Variants in HTT observed in about 807,000 individuals in gnomAD.
HTT encodes the protein huntington disease protein.
Under a neutral mutation model 362.3 loss-of-function variants are expected in HTT, and 104 were observed. The ratio of observed to expected loss-of-function variants is 0.29; its 90% confidence interval spans 0.24 to 0.34. The LOEUF (loss-of-function observed/expected upper bound fraction) is 0.34. Ranked by LOEUF, HTT falls within the 10% of genes least tolerant of loss-of-function variation. The probability of loss-of-function intolerance (pLI) is 1.00; values close to 1 mark genes in which losing one functional copy is unlikely to be tolerated. For synonymous variants in HTT, 1,577 were observed against 1,548.7 expected, an observed-to-expected ratio of 1.02 and a Z score of -0.43; for missense variants, 3,301 against 3,928.6, an observed-to-expected ratio of 0.84 and a Z score of 4.27.
At chr4:3,119,474 G>A (rs1038928704) in intron 8 of HTT, among the ~76,000 whole-genome samples, 1 of 152,092 alleles carries the variant, frequency 6.6e-6, no homozygotes, top group Non-Finnish European at 1.5e-5. Context: ...CTGAGTCTAG[G>A]TTATTGTGAC....
Position 3,187,778 on chromosome 4 carries a change from TC to T in HTT, c.5118del (p.Ser1707ProfsTer4). The T allele has an allele frequency of 6.2e-7, 1 of 1,612,470 alleles. No homozygotes were observed. On this transcript the variant is annotated frameshift_variant, in exon 39 of 67. Transcript: ENST00000355072. LOFTEE classifies it high-confidence loss of function. ...GAGCTCTCCTTCTCTCCGTATTTAA[TC>T]TCCTGTACAGTAATTAATAGGTTAA... Reference protein sequence around the residue: ...IQELSFSPYLISCTVINRLRD... With the variant: ...IQELSFSPYLXSCTVINRLRD...
chr4:3,115,538 G>C (rs1714975552), intron 7 of HTT, 93 bp downstream of exon 7: 2 of 1,057,216 alleles, frequency 1.9e-6, no homozygotes, highest in South Asian at 3.0e-5. Context: ...TCAGCTTCTA[G>C]ACCAGGCTAT....
At position 3,209,839 on chromosome 4, in the gene HTT, C is replaced by A; in HGVS notation, c.6304C>A (p.His2102Asn). Residue 2102 changes from histidine to asparagine, a missense_variant, in exon 47 of 67, where the codon CAT (histidine) becomes AAT (asparagine). Physicochemically the swap from His to Asn is moderately conservative, Grantham distance 68 (BLOSUM62 1). Coordinates refer to ENST00000355072, the MANE Select transcript of HTT (RefSeq NM_001388492.1). ...TVSPDKDWYV[H>N]LVKSQCWTRS... Reference sequence around the variant, plus strand: ...TTTTTCTTCCCAGGACTGGTACGTTCATCTTGTCAAATCCCAGTGTTGGAC... The same window carrying A: ...TTTTTCTTCCCAGGACTGGTACGTTAATCTTGTCAAATCCCAGTGTTGGAC... 1 of 1,613,998 alleles carries A rather than the reference C, an allele frequency of 6.2e-7. No individual in the cohort carries two copies. Among genetic ancestry groups the A allele is most frequent in the South Asian group, 1.1e-5 (1 of 91,054 alleles).
Position 3,212,583 on chromosome 4 carries a change from G to A in HTT, c.6648G>A (p.Gln2216=). The A allele has an allele frequency of 6.2e-7, 1 of 1,614,240 alleles. No individual in the cohort carries two copies. Among genetic ancestry groups the A allele is most frequent in the Non-Finnish European group, 8.5e-7 (1 of 1,180,046 alleles). The change falls in exon 49 of 67, where the codon CAG becomes CAA. Residue 2216 remains glutamine, a synonymous_variant. Transcript: ENST00000355072. ...NDLFGDAALY[Q]SLPTLARALA... is the part of the protein sequence containing the mutation. ...TTTCAGGGGATGCTGCACTGTATCA[G>A]TCCCTGCCCACTCTGGCCCGGGCCC...
chr4:3,230,260 C>T (rs547238655), intron 60 of HTT, among the ~76,000 whole-genome samples: 25 of 152,252 alleles, frequency 1.6e-4, no homozygotes, highest in African/African-American at 5.1e-4. Context: ...TGGGTTGTGG[C>T]GGCCAAGCCA....
chr4:3,164,090 G>T (rs964594771), intron 29 of HTT, among the ~76,000 whole-genome samples: 2 of 152,128 alleles, frequency 1.3e-5, no homozygotes, highest in African/African-American at 4.8e-5. Context: ...TCTACACACT[G>T]CTTTAAATGT....
In HTT at chr4:3,131,578, G is replaced by A; in HGVS notation, c.2099-60G>A. The A allele has an allele frequency of 3.7e-6, 6 of 1,600,178 alleles. 1 individual carries two copies. In the South Asian group the frequency reaches 5.6e-5, roughly 15 times the overall value. On this transcript the variant is annotated intron_variant, in intron 15 of 66. Transcript: ENST00000355072. ...CAGGTAGGTTATTGGGTCTGGTTTT[G>A]TTCATTTGAAAACAATCTGTTGTTT...
chr4:3,097,449 T>C (rs1368817909), intron 2 of HTT, among the ~76,000 whole-genome samples: 1 of 152,100 alleles, frequency 6.6e-6, no homozygotes, highest in Non-Finnish European at 1.5e-5. Flanking sequence ...CTGGCCAACA[T>C]GGTGAAACTC....
intron 1 of HTT, among the ~76,000 whole-genome samples, chr4:3,077,912 A>T (rs1390966315): frequency 1.3e-5 from 2 of 152,236 alleles, no homozygotes; most frequent in African/African-American, 4.8e-5. Flanking sequence ...AGTTCTGTTC[A>T]CGTGCTTCAG....
In HTT at chr4:3,130,050, A is replaced by C. The variant is rs754202183; in HGVS notation, c.1867+3A>C. ...GGCCTTCAGGAACTCTTCCATGGGTATGTGGACTACAGGTGATGCGCTACA... is the reference window on the plus strand; with the variant it reads ...GGCCTTCAGGAACTCTTCCATGGGTCTGTGGACTACAGGTGATGCGCTACA... On this transcript the variant is annotated splice_donor_region_variant and intron_variant, in intron 13 of 66. Transcript: ENST00000355072. 6.2e-7 allele frequency: 1 copy of C among 1,603,376 alleles called. No individual in the cohort carries two copies. The highest frequency in any genetic ancestry group is 8.5e-7 in the Non-Finnish European group (1 of 1,175,428).
intron 23 of HTT, among the ~76,000 whole-genome samples, chr4:3,143,436 C>CAAAAAAAAAAAAA (rs1056047426): frequency 1.7e-4 from 12 of 70,160 alleles, no homozygotes; most frequent in East Asian, 8.1e-4. Flanking sequence ...GACTCTGTCT[C>CAAAAAAAAAAAAA]AAAAAAAAAA....
At position 3,243,467 on chromosome 4, in the gene HTT, G is replaced by A. The variant is rs752167691; in HGVS notation, c.*3408G>A. 6 of 152,384 alleles carry A rather than the reference G, an allele frequency of 3.9e-5. No homozygotes were observed. The highest frequency in any genetic ancestry group is 4.1e-4 in the South Asian group (2 of 4,828). 9.4% of individuals were successfully genotyped at this position (152,384 alleles called of 1,614,324 possible). A position where few individuals can be genotyped will look rare whatever the true frequency, so the allele number is the denominator to read the frequency against. ...TTGGAGAGCTCAGGATGGCTCAGAC[G>A]AGGACACTCGCTTGCCGGGCCTGGG... is the stretch of plus-strand genomic sequence containing the variant. On this transcript the variant is annotated 3_prime_UTR_variant, in exon 67 of 67. Coordinates refer to ENST00000355072, the MANE Select transcript of HTT (RefSeq NM_001388492.1).
rs1578587689 is a variant in HTT, at chr4:3,206,427, T to C, written c.5719-69T>C. On this transcript the variant is annotated intron_variant, in intron 42 of 66. Coordinates refer to ENST00000355072, the MANE Select transcript of HTT (RefSeq NM_001388492.1). This position sits in a 1 kb window ranked among gnomAD's most constrained non-coding sequence, Gnocchi z 4.6. ...TCTCCTTCTTACCCTTTCTGGCCTT[T>C]CTATGGCATTAATACCTGGTCTCTT... 7.2e-6 allele frequency: 9 copies of C among 1,253,238 alleles called. No individual in the cohort carries two copies. In the East Asian group the frequency reaches 2.1e-4, roughly 29 times the overall value. 77.6% of individuals were successfully genotyped at this position (1,253,238 alleles called of 1,614,324 possible).
chr4:3,235,529 C>T (rs193235082), intron 62 of HTT, 36 bp from the exon 63 acceptor site: 1,548 of 1,593,236 alleles, frequency 9.7e-4, no homozygotes, highest in Non-Finnish European at 1.3e-3. Context: ...GACTGTGCAG[C>T]GATTCTTTGA....
chr4:3,188,791 CTG>C (rs1718884849), intron 39 of HTT, 158 bp from the exon 40 acceptor site: 9 of 636,462 alleles, frequency 1.4e-5, no homozygotes, highest in Non-Finnish European at 1.9e-5. Context: ...GACCAAGTGA[CTG>C]TGTCCACGGC....
At chr4:3,225,852 T>C in intron 57 of HTT, 109 bp downstream of exon 57, 33 of 674,726 alleles carry the variant, frequency 4.9e-5, no homozygotes, top group Non-Finnish European at 7.0e-5. Context: ...TGAAAGGAAG[T>C]TTTCCTTTTT....
chr4:3,107,454 C>T (rs757286815), intron 6 of HTT, 31 bp downstream of exon 6: 15 of 1,610,934 alleles, frequency 9.3e-6, no homozygotes, highest in Admixed American at 6.7e-5. Flanking sequence ...CACAAACATG[C>T]GAGTGATGCT....
chr4:3,207,255 C>T, intron 44 of HTT, 26 bp from the exon 45 acceptor site: 1 of 1,595,540 alleles, frequency 6.3e-7, no homozygotes, highest in Non-Finnish European at 8.6e-7. Flanking sequence ...GTGTTACAAA[C>T]ACACTAATGT....
intron 19 of HTT, among the ~76,000 whole-genome samples, chr4:3,135,123 A>G (rs994961319): frequency 2.6e-5 from 4 of 151,946 alleles, no homozygotes; most frequent in Non-Finnish European, 2.9e-5. Context: ...AGAATTTTTC[A>G]TCTTTGTCTT....
Sources: allele counts gnomAD v4.1 joint callset (sites outside exome capture counted in the v4.1 genomes callset), GRCh38; gene constraint gnomAD v4.1.1; non-coding constraint Gnocchi (gnomAD v3.1); transcripts MANE v1.5; gene names NCBI Gene and HGNC (gene_info 2026-07-23, HGNC 2026-07-21).